TIMM13: variants seen among roughly 807,000 people sequenced by gnomAD.
TIMM13 encodes translocase of inner mitochondrial membrane 13.
TIMM13 carries 8 observed loss-of-function variants against 10.9 expected under a neutral mutation model. The ratio of observed to expected loss-of-function variants is 0.73; its 90% confidence interval spans 0.43 to 1.32. TIMM13 has a LOEUF of 1.32. Ranked by LOEUF, TIMM13 falls within the 40% of genes most tolerant of loss-of-function variation. The probability of loss-of-function intolerance (pLI) is 0.01; values close to 1 mark genes in which losing one functional copy is unlikely to be tolerated. For missense variants in TIMM13, 147 were observed against 132.8 expected, an observed-to-expected ratio of 1.11 and a Z score of -0.53; for synonymous variants, 68 against 52.5, an observed-to-expected ratio of 1.30 and a Z score of -1.28.
chr19:2,426,897 T>C lies in TIMM13; in HGVS notation c.*51A>G. ...AGTACGTACATGCGGACCCCGCCTC[T>C]CAAAGCACGTTTATGGAAATGAACA... is the stretch of plus-strand genomic sequence containing the variant. On this transcript the variant is annotated 3_prime_UTR_variant, in exon 3 of 3. Transcript: ENST00000215570. 1 of 1,535,110 alleles carries C rather than the reference T, an allele frequency of 6.5e-7. No homozygotes were observed. Among genetic ancestry groups the C allele is most frequent in the African/African-American group, 1.4e-5 (1 of 72,948 alleles).
In TIMM13 at chr19:2,426,560, TTCTC is replaced by T. The variant is rs1860994521; in HGVS notation, c.*384_*387del. ...CCCCTCAGGAGGGAAATAAAGAGGTTTCTCTCCGTCCTCCACCAATTTATTTGCC... is the reference window on the plus strand; with the variant it reads ...CCCCTCAGGAGGGAAATAAAGAGGTTTCCGTCCTCCACCAATTTATTTGCC... On this transcript the variant is annotated 3_prime_UTR_variant, in exon 3 of 3. Transcript: ENST00000215570. 1 of 320,150 alleles carries T rather than the reference TTCTC, an allele frequency of 3.1e-6. No individual in the cohort carries two copies. Among genetic ancestry groups the T allele is most frequent in the African/African-American group, 2.2e-5 (1 of 46,208 alleles). The allele number at this position is 320,150 out of a possible 1,614,324, so 19.8% of individuals were successfully genotyped here. A position where few individuals can be genotyped will look rare whatever the true frequency, so the allele number is the denominator to read the frequency against.
Position 2,427,561 on chromosome 19 carries a change from C to G in TIMM13, c.-28G>C. 6.4e-7 allele frequency: 1 copy of G among 1,570,646 alleles called. No homozygotes were observed. Among genetic ancestry groups the G allele is most frequent in the Non-Finnish European group, 8.6e-7 (1 of 1,159,718 alleles). On this transcript the variant is annotated 5_prime_UTR_variant, in exon 1 of 3. Coordinates refer to ENST00000215570, the MANE Select transcript of TIMM13 (RefSeq NM_012458.4). ...CTCCGCAAAGTCAACCGGACCGAGG[C>G]CGCGTGCGCCGACTCGTAACTAACT... is the stretch of plus-strand genomic sequence containing the variant.
rs761739354 is a variant in TIMM13 at position 2,426,906 on chromosome 19, G to C, written c.*42C>G. The C allele has an allele frequency of 1.6e-4, 240 of 1,545,188 alleles. No homozygotes were observed. Among genetic ancestry groups the C allele is most frequent in the Non-Finnish European group, 2.0e-4 (228 of 1,142,100 alleles). ...ATGCGGACCCCGCCTCTCAAAGCACGTTTATGGAAATGAACAGGGTGGGGT... is the reference window on the plus strand; with the variant it reads ...ATGCGGACCCCGCCTCTCAAAGCACCTTTATGGAAATGAACAGGGTGGGGT... On this transcript the variant is annotated 3_prime_UTR_variant, in exon 3 of 3. Transcript: ENST00000215570.
At position 2,426,037 on chromosome 19, in the gene TIMM13, T is replaced by C. The variant is rs1478604730; in HGVS notation, c.*911A>G. 1.2e-6 allele frequency: 2 copies of C among 1,609,318 alleles called. No individual in the cohort carries two copies. Among genetic ancestry groups the C allele is most frequent in the Admixed American group, 1.7e-5 (1 of 59,222 alleles). On this transcript the variant is annotated 3_prime_UTR_variant, in exon 3 of 3. Coordinates refer to ENST00000215570, the MANE Select transcript of TIMM13 (RefSeq NM_012458.4). The stretch of plus-strand genomic sequence containing the variant: ...GCCGGCCCCACTTCCCAGGTGTCTA[T>C]ACCCGGGTGGCAGCTGTGAGAGGCT...
rs1300961205 is a variant in TIMM13, at chr19:2,426,768, G to A, written c.*180C>T. ...GGAAGGCACAGGGCCCCACACCCCC[G>A]AGATCCAAGCTGCACTGGCTGGCAG... is the stretch of plus-strand genomic sequence containing the variant. On this transcript the variant is annotated 3_prime_UTR_variant, in exon 3 of 3. Coordinates refer to ENST00000215570, the MANE Select transcript of TIMM13 (RefSeq NM_012458.4). 3 of 669,996 alleles carry A rather than the reference G, an allele frequency of 4.5e-6. No homozygotes were observed. The highest frequency in any genetic ancestry group is 7.8e-6 in the Non-Finnish European group (3 of 386,168). 41.5% of individuals were successfully genotyped at this position (669,996 alleles called of 1,614,324 possible). A position where few individuals can be genotyped will look rare whatever the true frequency, so the allele number is the denominator to read the frequency against.
rs749725649 is a variant in TIMM13, at chr19:2,427,477, T to G, written c.57A>C (p.Pro19=). The G allele has an allele frequency of 1.9e-5, 31 of 1,612,388 alleles. No individual in the cohort carries two copies. The highest frequency in any genetic ancestry group is 1.1e-5 in the South Asian group (1 of 91,066). The change falls in exon 1 of 3, where the codon CCA becomes CCC. Residue 19 remains proline (P), a synonymous_variant. Transcript: ENST00000215570. The part of the protein sequence containing the change: ...FGGSGSGKLD[P]GLIMEQVKVQ... ...CTTTCACCTGCTCCATTATGAGCCC[T>G]GGGTCCAGCTTCCCGCTGCCGGAGC...
rs576571616 is a variant in TIMM13 at position 2,426,615 on chromosome 19, T to A, written c.*333A>T. The A allele has an allele frequency of 5.1e-5, 23 of 448,684 alleles. No homozygotes were observed. Among genetic ancestry groups the A allele is most frequent in the African/African-American group, 3.8e-4 (19 of 50,160 alleles). 27.8% of individuals were successfully genotyped at this position (448,684 alleles called of 1,614,324 possible). Reference sequence around the variant, plus strand: ...CATCCGCAGGAGGTGACAGCTCCTGTGGTGTCTGACCACCCCCAACTCCGA... The same window carrying A: ...CATCCGCAGGAGGTGACAGCTCCTGAGGTGTCTGACCACCCCCAACTCCGA... On this transcript the variant is annotated 3_prime_UTR_variant, in exon 3 of 3. Coordinates refer to ENST00000215570, the MANE Select transcript of TIMM13 (RefSeq NM_012458.4).
At chr19:2,427,225 G>A (rs931974123) in intron 2 of TIMM13, 31 bp downstream of exon 2, 4 of 1,609,774 alleles carry the variant, frequency 2.5e-6, no homozygotes, top group Admixed American at 1.7e-5. Flanking sequence ...AGGCCCTCGC[G>A]ACCCTTGCCC....
Position 2,427,530 on chromosome 19 carries a change from C to G in TIMM13, c.4G>C (p.Glu2Gln), listed in dbSNP as rs1240392815. The G allele has an allele frequency of 6.2e-7, 1 of 1,603,124 alleles. No individual in the cohort carries two copies. Among genetic ancestry groups the G allele is most frequent in the Non-Finnish European group, 8.5e-7 (1 of 1,175,648 alleles). Residue 2 changes from glutamate (E) to glutamine (Q), a missense_variant, in exon 1 of 3, where the codon GAG becomes CAG. Physicochemically the swap from Glu to Gln is conservative, Grantham distance 29 (BLOSUM62 2). Coordinates refer to ENST00000215570, the MANE Select transcript of TIMM13 (RefSeq NM_012458.4). ...CCGAAATCGGAGCCGAAGCCGCCCTCCATGGCTCCGCAAAGTCAACCGGAC... is the reference window on the plus strand; with the variant it reads ...CCGAAATCGGAGCCGAAGCCGCCCTGCATGGCTCCGCAAAGTCAACCGGAC... M[E>Q]GGFGSDFGGS...
chr19:2,427,198 C>T lies in TIMM13; in HGVS notation c.189+58G>A. The T allele has an allele frequency of 3.8e-6, 6 of 1,592,042 alleles. No individual in the cohort carries two copies. The South Asian group carries it at 6.7e-5, about 18-fold the overall frequency. On this transcript the variant is annotated intron_variant, in intron 2 of 2. Transcript: ENST00000215570. ...CCGTTAGTCTGCGCACGCGCAGACA[C>T]CTCCCCCCTCGAATCTAGGCCCTCG...
rs1971607056 is a variant in TIMM13, at chr19:2,425,727, G to T, written c.*1221C>A. 1 of 1,141,976 alleles carries T rather than the reference G, an allele frequency of 8.8e-7. No individual in the cohort carries two copies. Among genetic ancestry groups the T allele is most frequent in the Non-Finnish European group, 1.2e-6 (1 of 843,234 alleles). 70.7% of individuals were successfully genotyped at this position (1,141,976 alleles called of 1,614,324 possible). A position where few individuals can be genotyped will look rare whatever the true frequency, so the allele number is the denominator to read the frequency against. The stretch of plus-strand genomic sequence containing the variant: ...CGGCAGAGCAGGCAGAGGCTGCAGT[G>T]GGAGGCACCGTTCCACTCCGGGACC... On this transcript the variant is annotated 3_prime_UTR_variant, in exon 3 of 3. Coordinates refer to ENST00000215570, the MANE Select transcript of TIMM13 (RefSeq NM_012458.4).
At chr19:2,427,088 C>A in intron 2 of TIMM13, 42 bp from the exon 3 acceptor site, 1 of 1,596,784 alleles carries the variant, frequency 6.3e-7, no homozygotes, top group Non-Finnish European at 8.5e-7. Flanking sequence ...CGGGACTTCG[C>A]GGCCCCGGGG....
chr19:2,426,361 C>G lies in TIMM13; in HGVS notation c.*587G>C. The stretch of plus-strand genomic sequence containing the variant: ...GAAGCAGGGTCAAAGCAAGCCCTGA[C>G]AAGGGGAAGGCTGTCCCCCTTAGCC... On this transcript the variant is annotated 3_prime_UTR_variant, in exon 3 of 3. Coordinates refer to ENST00000215570, the MANE Select transcript of TIMM13 (RefSeq NM_012458.4). 1 of 418,948 alleles carries G rather than the reference C, an allele frequency of 2.4e-6. No homozygotes were observed. Among genetic ancestry groups the G allele is most frequent in the South Asian group, 2.8e-5 (1 of 35,328 alleles). 26.0% of individuals were successfully genotyped at this position (418,948 alleles called of 1,614,324 possible).
In TIMM13 at chr19:2,426,399, G is replaced by T. The variant is rs1159744141; in HGVS notation, c.*549C>A. On this transcript the variant is annotated 3_prime_UTR_variant, in exon 3 of 3. Coordinates refer to ENST00000215570, the MANE Select transcript of TIMM13 (RefSeq NM_012458.4). ...GTCCCCCTTAGCCTTTGGGGCAGGG[G>T]TGGCAGCAGCAACACATTCCTCGTG... 2.9e-6 allele frequency: 1 copy of T among 348,122 alleles called. No homozygotes were observed. Among genetic ancestry groups the T allele is most frequent in the Non-Finnish European group, 5.3e-6 (1 of 189,898 alleles). 21.6% of individuals were successfully genotyped at this position (348,122 alleles called of 1,614,324 possible). A position where few individuals can be genotyped will look rare whatever the true frequency, so the allele number is the denominator to read the frequency against.
chr19:2,426,853 T>G lies in TIMM13; in HGVS notation c.*95A>C. ...GTGTGTCCCAGCACCGGTGCCACCC[T>G]CCTAAGCCCCGGGCAGGCAGTACGT... is the stretch of plus-strand genomic sequence containing the variant. On this transcript the variant is annotated 3_prime_UTR_variant, in exon 3 of 3. Coordinates refer to ENST00000215570, the MANE Select transcript of TIMM13 (RefSeq NM_012458.4). 1 of 1,270,564 alleles carries G rather than the reference T, an allele frequency of 7.9e-7. No individual in the cohort carries two copies. The highest frequency in any genetic ancestry group is 1.3e-5 in the South Asian group (1 of 77,478). 78.7% of individuals were successfully genotyped at this position (1,270,564 alleles called of 1,614,324 possible).
rs768683688 is a variant in TIMM13, at chr19:2,426,903, C to A, written c.*45G>T. The A allele has an allele frequency of 1.9e-6, 3 of 1,540,942 alleles. No homozygotes were observed. Among genetic ancestry groups the A allele is most frequent in the Non-Finnish European group, 2.6e-6 (3 of 1,138,704 alleles). ...TACATGCGGACCCCGCCTCTCAAAG[C>A]ACGTTTATGGAAATGAACAGGGTGG... On this transcript the variant is annotated 3_prime_UTR_variant, in exon 3 of 3. Transcript: ENST00000215570.
At position 2,426,994 on chromosome 19, in the gene TIMM13, G is replaced by A. The variant is rs150793977; in HGVS notation, c.242C>T (p.Ser81Phe). The change falls in exon 3 of 3, where the codon TCT becomes TTT. Residue 81 changes from serine to phenylalanine, a missense_variant. Coordinates refer to ENST00000215570, the MANE Select transcript of TIMM13 (RefSeq NM_012458.4). ...CTGCAGCCGCGAGTTGTAGGCGCGA[G>A]ACACGGTGTTCCAGGCGTCCATGTA... ...DRYMDAWNTVSRAYNSRLQRE... is the reference protein window; with the variant it reads ...DRYMDAWNTVFRAYNSRLQRE... The A allele has an allele frequency of 1.2e-6, 2 of 1,608,000 alleles. No individual in the cohort carries two copies. The highest frequency in any genetic ancestry group is 2.2e-5 in the East Asian group (1 of 44,564).
intron 1 of TIMM13, 37 bp downstream of exon 1, chr19:2,427,377 T>C (rs1249036185): frequency 1.2e-6 from 2 of 1,611,998 alleles, no homozygotes; most frequent in African/African-American, 2.7e-5. Flanking sequence ...GGGGTGGCCC[T>C]GTCGCCCCCA....
At position 2,425,680 on chromosome 19, in the gene TIMM13, G is replaced by C; in HGVS notation, c.*1268C>G. 1.6e-6 allele frequency: 2 copies of C among 1,252,018 alleles called. No individual in the cohort carries two copies. The highest frequency in any genetic ancestry group is 1.8e-5 in the South Asian group (1 of 55,934). The allele number at this position is 1,252,018 out of a possible 1,614,324, so 77.6% of individuals were successfully genotyped here. On this transcript the variant is annotated 3_prime_UTR_variant, in exon 3 of 3. Transcript: ENST00000215570. ...ACAGCCGTTTATTGGGCAACCCACC[G>C]CATCCCATCCCCGGGCCTCGGCGGC...
Sources: gnomAD v4.1 joint callset for allele counts on GRCh38, gnomAD v4.1.1 for gene constraint, MANE v1.5 for transcripts, NCBI Gene and HGNC (gene_info 2026-07-23, HGNC 2026-07-21) for gene names.